Variants in ABCA1 observed in about 807,000 individuals in gnomAD.
The protein encoded by ABCA1 is ATP binding cassette subfamily A member 1.
In ABCA1, 133 loss-of-function variants were observed where a neutral mutation model predicts 262.5. The ratio of observed to expected loss-of-function variants is 0.51; its 90% CI spans 0.44 to 0.59. The LOEUF (loss-of-function observed/expected upper bound fraction) is 0.59. Among genes scored for constraint, ABCA1 ranks in the 20% least tolerant of loss-of-function variants. The pLI, the probability that ABCA1 is intolerant of heterozygous loss-of-function variation, is 0.00. For synonymous variants in ABCA1, 1,022 were observed against 1,043.5 expected, an observed-to-expected ratio of 0.98 and a Z score of 0.40; for missense variants, 2,452 against 2,777.5, an observed-to-expected ratio of 0.88 and a Z score of 2.63.
chr9:104,874,766 C>T (rs543615344), intron 5 of ABCA1, among the ~76,000 whole-genome samples: 246 of 143,400 alleles, frequency 1.7e-3, no homozygotes, highest in Non-Finnish European at 2.6e-3. Flanking sequence ...CCGCCCCGTC[C>T]GGGAGGGAGG....
At chr9:104,835,259 AAAGAG>A (rs1833710406) in intron 11 of ABCA1, among the ~76,000 whole-genome samples, 1 of 151,842 alleles carries the variant, frequency 6.6e-6, no homozygotes, top group South Asian at 2.1e-4. Context: ...AAAAAAAAAA[AAAGAG>A]AAAGAGAGGG....
intron 37 of ABCA1, among the ~76,000 whole-genome samples, chr9:104,796,690 A>G (rs1481000284): frequency 6.6e-6 from 1 of 152,198 alleles, no homozygotes; most frequent in Non-Finnish European, 1.5e-5. Flanking sequence ...AACTTACTGA[A>G]CGATGGATTC....
intron 2 of ABCA1, among the ~76,000 whole-genome samples, chr9:104,891,114 G>T (rs1010464209): frequency 6.6e-6 from 1 of 152,122 alleles, no homozygotes; most frequent in African/African-American, 2.4e-5. Flanking sequence ...TCTATGAATA[G>T]ATCATAATTG....
intron 33 of ABCA1, 111 bp from the exon 34 acceptor site, chr9:104,802,270 G>A: frequency 1.0e-6 from 1 of 999,118 alleles, no homozygotes; most frequent in Non-Finnish European, 1.6e-6. Flanking sequence ...CCTGTTCAAA[G>A]GAGGGCTAAA....
chr9:104,800,043 G>T, intron 35 of ABCA1, 55 bp from the exon 36 acceptor site: 1 of 1,602,008 alleles, frequency 6.2e-7, no homozygotes, highest in Non-Finnish European at 8.5e-7. Context: ...GCTCCTGCAG[G>T]CAGGTGCATA....
chr9:104,887,844 A>G (rs1028787175), intron 3 of ABCA1, among the ~76,000 whole-genome samples: 1 of 147,386 alleles, frequency 6.8e-6, no homozygotes, highest in Admixed American at 7.0e-5. Flanking sequence ...CTCCTGCCTC[A>G]GCCTCCCCAG....
In ABCA1 at chr9:104,817,286, G is replaced by C. The variant is rs1230542976; in HGVS notation, c.3535+46C>G. ...CCTCTGCCTCCACTCTGCCCAGCTGGGGGAAGCTCAGGCACCACCTGAATA... is the reference window on the plus strand; with the variant it reads ...CCTCTGCCTCCACTCTGCCCAGCTGCGGGAAGCTCAGGCACCACCTGAATA... On this transcript the variant is annotated intron_variant, in intron 24 of 49. Transcript: ENST00000374736. The surrounding 1 kb of genome is among the most constrained non-coding windows in gnomAD (Gnocchi z 4.7). The C allele has an allele frequency of 6.2e-7, 1 of 1,613,876 alleles. No homozygotes were observed. The highest frequency in any genetic ancestry group is 1.7e-5 in the Admixed American group (1 of 60,018).
At position 104,796,464 on chromosome 9, in the gene ABCA1, C is replaced by A; in HGVS notation, c.5122-40G>T. On this transcript the variant is annotated intron_variant, in intron 37 of 49. Coordinates refer to ENST00000374736, the MANE Select transcript of ABCA1 (RefSeq NM_005502.4). ...AAAGACATCCAGTTCACCCCTAAAT[C>A]AAATATACAATGCATCACACAAGTT... 2.7e-6 allele frequency: 4 copies of A among 1,482,918 alleles called. No homozygotes were observed. In the South Asian group the frequency reaches 4.7e-5, roughly 17 times the overall value. The allele number at this position is 1,482,918 out of a possible 1,614,324, so 91.9% of individuals were successfully genotyped here.
rs1269655281 is a variant in ABCA1 at position 104,836,303 on chromosome 9, G to A, written c.1311+677C>T. Reference sequence around the variant, plus strand: ...AAAATCCTCACCTGCTTCTTAAGGGGAGCAGAGACAAAAGGAAGAGGCCTC... The same window carrying A: ...AAAATCCTCACCTGCTTCTTAAGGGAAGCAGAGACAAAAGGAAGAGGCCTC... On this transcript the variant is annotated intron_variant, in intron 11 of 49. Transcript: ENST00000374736. 1.3e-5 allele frequency among the ~76,000 whole-genome samples: 2 copies of A among 152,150 alleles called. 1 individual carries two copies.
In ABCA1 at chr9:104,816,318, C is replaced by G. The variant is rs1344632761; in HGVS notation, c.3563G>C (p.Arg1188Thr). The change falls in exon 25 of 50, where the codon AGG (arginine) becomes ACG (threonine). Residue 1188 changes from arginine (R) to threonine (T), a missense_variant. By Grantham distance (71) the Arg-to-Thr change is moderately conservative. Around this residue, in one of 4 missense-constraint regions of ABCA1, gnomAD observed 665 missense variants for 727.3 expected, o/e 0.91. Transcript: ENST00000374736. ...IDVSAISNLI[R>T]KHVSEARLVE... ...CAGCCGGGCTTCAGACACATGCTTC[C>G]TGATGAGGTTGGAGATAGCAGAGAC... 6.2e-7 allele frequency: 1 copy of G among 1,613,888 alleles called. No individual in the cohort carries two copies. Among genetic ancestry groups the G allele is most frequent in the East Asian group, 2.2e-5 (1 of 44,868 alleles).
chr9:104,896,195 A>G (rs1840180243), intron 2 of ABCA1, among the ~76,000 whole-genome samples: 1 of 152,204 alleles, frequency 6.6e-6, no homozygotes, highest in South Asian at 2.1e-4. Context: ...AAATTCTCCT[A>G]AATAATAGCA....
At chr9:104,843,642 T>G (rs1266038924) in intron 8 of ABCA1, among the ~76,000 whole-genome samples, 1 of 152,180 alleles carries the variant, frequency 6.6e-6, no homozygotes, top group Non-Finnish European at 1.5e-5. Flanking sequence ...GTTTGTCATG[T>G]GGAGCATACA....
intron 46 of ABCA1, 35 bp from the exon 47 acceptor site, chr9:104,787,011 G>T: frequency 6.4e-7 from 1 of 1,560,010 alleles, no homozygotes; most frequent in Non-Finnish European, 8.7e-7. Flanking sequence ...TATTTGCTGG[G>T]GGGAAAAAAA....
At chr9:104,812,749 C>T in intron 27 of ABCA1, 27 bp from the exon 28 acceptor site, 1 of 1,614,162 alleles carries the variant, frequency 6.2e-7, no homozygotes, top group East Asian at 2.2e-5. Flanking sequence ...CTGAAGGTCA[C>T]CTATTATCTT....
intron 7 of ABCA1, among the ~76,000 whole-genome samples, 167 bp downstream of exon 7, chr9:104,858,355 G>C (rs897182539): frequency 6.6e-6 from 1 of 152,150 alleles, no homozygotes; most frequent in East Asian, 1.9e-4. Flanking sequence ...TGGCCCAAAA[G>C]TCTGAAAGAA....
intron 5 of ABCA1, among the ~76,000 whole-genome samples, chr9:104,881,103 TGC>T (rs1838609358): frequency 6.6e-6 from 1 of 152,012 alleles, no homozygotes; most frequent in East Asian, 1.9e-4. Flanking sequence ...GAGCCAAGAC[TGC>T]GCCACTGCAC....
intron 25 of ABCA1, among the ~76,000 whole-genome samples, chr9:104,814,736 C>A (rs1238484434): frequency 6.6e-6 from 1 of 152,210 alleles, no homozygotes; most frequent in Admixed American, 6.5e-5. Flanking sequence ...TGGCTCAGGC[C>A]TATAATCCCA....
At chr9:104,894,760 G>C (rs1246747769) in intron 2 of ABCA1, among the ~76,000 whole-genome samples, 1 of 152,194 alleles carries the variant, frequency 6.6e-6, no homozygotes, top group Admixed American at 6.5e-5. Context: ...TTGCTGAGCT[G>C]GGAGACTAGC....
At chr9:104,878,312 C>T (rs1838323313) in intron 5 of ABCA1, among the ~76,000 whole-genome samples, 1 of 152,162 alleles carries the variant, frequency 6.6e-6, no homozygotes, top group Non-Finnish European at 1.5e-5. Context: ...CTAAAAAGTT[C>T]CAGTGATGAG....
Sources: gnomAD v4.1 joint callset for allele counts (sites outside exome capture counted in the v4.1 genomes callset) on GRCh38, gnomAD v4.1.1 for gene constraint, gnomAD v4.1.1 regional missense constraint, Gnocchi (gnomAD v3.1) non-coding constraint, MANE v1.5 for transcripts, NCBI Gene and HGNC (gene_info 2026-07-23, HGNC 2026-07-21) for gene names.